Variants in MDC1 observed in about 807,000 individuals in gnomAD.
MDC1 encodes mediator of DNA damage checkpoint protein 1.
Under a neutral mutation model 142.5 loss-of-function variants are expected in MDC1, and 81 were observed. The ratio of observed to expected loss-of-function variants is 0.57; its 90% CI spans 0.47 to 0.68. The LOEUF is 0.68. Ranked by LOEUF, MDC1 falls within the 30% of genes least tolerant of loss-of-function variation. MDC1 has a pLI of 0.00. For synonymous variants in MDC1, 797 were observed against 968.4 expected, an observed-to-expected ratio of 0.82 and a Z score of 3.29; for missense variants, 2,119 against 2,547.9, an observed-to-expected ratio of 0.83 and a Z score of 3.62.
Position 30,703,875 on chromosome 6 carries a change from T to C in MDC1, c.5308A>G (p.Ile1770Val), listed in dbSNP as rs1773226299. 2.5e-6 allele frequency: 4 copies of C among 1,614,118 alleles called. No individual in the cohort carries two copies. The highest frequency in any genetic ancestry group is 2.5e-6 in the Non-Finnish European group (3 of 1,180,002). Reference protein sequence around the residue: ...AVRAAESLTAIPEPASPQLLE... With the variant: ...AVRAAESLTAVPEPASPQLLE... Reference sequence around the variant, plus strand: ...AGCTGGGGAGAGGCAGGCTCAGGAATGGCTGTAAGGGATTCAGCTGCTCTC... The same window carrying C: ...AGCTGGGGAGAGGCAGGCTCAGGAACGGCTGTAAGGGATTCAGCTGCTCTC... The change falls in exon 10 of 15, where the codon ATT becomes GTT. Residue 1770 changes from isoleucine (I) to valine (V), a missense_variant. By Grantham distance (29) the Ile-to-Val change is conservative. Coordinates refer to ENST00000376406, the MANE Select transcript of MDC1 (RefSeq NM_014641.3). The surrounding 1 kb of genome is among the most constrained non-coding windows in gnomAD (Gnocchi z 4.4).
At position 30,713,850 on chromosome 6, in the gene MDC1, G is replaced by C; in HGVS notation, c.470C>G (p.Thr157Ser). ...VEETPRVQGE[T>S]QPQRLLLAED... ...AGCCAACAGAAGCCTCTGGGGTTGA[G>C]TTTCTCCCTGTACTCTGGGTGTCTC... The change falls in exon 3 of 15, where the codon ACT becomes AGT. Residue 157 changes from threonine (T) to serine (S), a missense_variant. Transcript: ENST00000376406. The surrounding 1 kb of genome is among the most constrained non-coding windows in gnomAD (Gnocchi z 4.9). The C allele has an allele frequency of 6.2e-7, 1 of 1,614,166 alleles. No individual in the cohort carries two copies.
At position 30,713,892 on chromosome 6, in the gene MDC1, C is replaced by A; in HGVS notation, c.428G>T (p.Gly143Val). The change falls in exon 3 of 15, where the codon GGC becomes GTC. Residue 143 changes from glycine (G) to valine (V), a missense_variant. Coordinates refer to ENST00000376406, the MANE Select transcript of MDC1 (RefSeq NM_014641.3). The surrounding 1 kb of genome is among the most constrained non-coding windows in gnomAD (Gnocchi z 4.9). ...LDVSLPFVSR[G>V]PLTVEETPRV... ...GGGTGTCTCTTCTACTGTCAGAGGG[C>A]CCCGGGAGACAAAGGGCAGAGAGAC... 1 of 1,613,814 alleles carries A rather than the reference C, an allele frequency of 6.2e-7. No homozygotes were observed. Among genetic ancestry groups the A allele is most frequent in the Non-Finnish European group, 8.5e-7 (1 of 1,180,026 alleles).
chr6:30,705,311 A>G lies in MDC1; in HGVS notation c.3872T>C (p.Leu1291Pro). The G allele has an allele frequency of 6.2e-7, 1 of 1,602,548 alleles. No individual in the cohort carries two copies. Among genetic ancestry groups the G allele is most frequent in the Non-Finnish European group, 8.5e-7 (1 of 1,175,644 alleles). The change falls in exon 10 of 15, where the codon CTC (leucine) becomes CCC (proline). Residue 1291 changes from leucine (L) to proline (P), a missense_variant. Leu to Pro is a moderately conservative substitution (Grantham distance 98). Coordinates refer to ENST00000376406, the MANE Select transcript of MDC1 (RefSeq NM_014641.3). ...TCGGTCTGTGGAGGTGGAAGGCCGG[A>G]GCTCAGGGGCTGTGGGCACAACTGG... is the stretch of plus-strand genomic sequence containing the variant. ...PEPVVPTAPE[L>P]RPSTSTDRPV...
chr6:30,713,439 A>T lies in MDC1; in HGVS notation c.588-85T>A. ...TCAACTGTGAGCTCCTTGAGGGGAG[A>T]CACAAGGTAGCATATTTCTTCTTCT... On this transcript the variant is annotated intron_variant, in intron 4 of 14. Coordinates refer to ENST00000376406, the MANE Select transcript of MDC1 (RefSeq NM_014641.3). The surrounding 1 kb of genome is among the most constrained non-coding windows in gnomAD (Gnocchi z 4.9). The T allele has an allele frequency of 7.1e-7, 1 of 1,401,292 alleles. No individual in the cohort carries two copies. Among genetic ancestry groups the T allele is most frequent in the Non-Finnish European group, 9.6e-7 (1 of 1,045,112 alleles). The allele number at this position is 1,401,292 out of a possible 1,614,324, so 86.8% of individuals were successfully genotyped here.
chr6:30,710,003 C>T (rs1295882003), intron 7 of MDC1, among the ~76,000 whole-genome samples: 1 of 151,956 alleles, frequency 6.6e-6, no homozygotes, highest in African/African-American at 2.4e-5. Context: ...CTTAGCCTCC[C>T]GAGTAGCTAA....
chr6:30,701,456 T>C (rs980963322), intron 14 of MDC1, among the ~76,000 whole-genome samples: 1 of 152,080 alleles, frequency 6.6e-6, no homozygotes, highest in Non-Finnish European at 1.5e-5. Flanking sequence ...GCTTTTACAA[T>C]TATCTGCAAT....
rs773595673 is a variant in MDC1, at chr6:30,713,027, A to C, written c.915T>G (p.Asp305Glu). 2.0e-5 allele frequency: 33 copies of C among 1,612,416 alleles called. No homozygotes were observed. Among genetic ancestry groups the C allele is most frequent in the Non-Finnish European group, 2.7e-5 (32 of 1,179,718 alleles). The part of the protein sequence containing the change: ...PGEDSDTDVD[D>E]DSRPPGRPAE... Reference sequence around the variant, plus strand: ...CTGGCCTTCCAGGAGGCCTGCTGTCATCATCCACATCTGTGTCACTGTCCT... The same window carrying C: ...CTGGCCTTCCAGGAGGCCTGCTGTCCTCATCCACATCTGTGTCACTGTCCT... Residue 305 changes from aspartate (D) to glutamate (E), a missense_variant, in exon 5 of 15, where the codon GAT becomes GAG. Transcript: ENST00000376406. The surrounding 1 kb of genome is among the most constrained non-coding windows in gnomAD (Gnocchi z 4.9).
rs1340962828 is a variant in MDC1 at position 30,708,059 on chromosome 6, T to C, written c.2520A>G (p.Pro840=). 2.5e-6 allele frequency: 4 copies of C among 1,613,124 alleles called. No homozygotes were observed. Among genetic ancestry groups the C allele is most frequent in the East Asian group, 2.2e-5 (1 of 44,880 alleles). Residue 840 remains proline, a synonymous_variant, in exon 8 of 15, where the codon CCA becomes CCG. Coordinates refer to ENST00000376406, the MANE Select transcript of MDC1 (RefSeq NM_014641.3). ...CTCCTGTCACATCTGTCTGTCTTTC[T>C]GGTAGCAGTTTCTCAGTTTCTCTCT... ...PLERETEKLL[P]ERQTDVTGEE... is the part of the protein sequence containing the mutation.
chr6:30,704,347 A>G lies in MDC1; in HGVS notation c.4836T>C (p.Val1612=). Residue 1612 remains valine, a synonymous_variant, in exon 10 of 15, where the codon GTT becomes GTC. Coordinates refer to ENST00000376406, the MANE Select transcript of MDC1 (RefSeq NM_014641.3). ...GATGGGGCTCAGGGGCTGTGGGGAC[A>G]ACTGGCTCAGGGGTCTTGACAGAGG... is the stretch of plus-strand genomic sequence containing the variant. ...NRSSVKTPEP[V]VPTAPEPHPT... is the part of the protein sequence containing the mutation. 6.2e-7 allele frequency: 1 copy of G among 1,613,604 alleles called. No individual in the cohort carries two copies. The highest frequency in any genetic ancestry group is 8.5e-7 in the Non-Finnish European group (1 of 1,179,816).
At position 30,707,900 on chromosome 6, in the gene MDC1, T is replaced by C. The variant is rs1243127868; in HGVS notation, c.2679A>G (p.Glu893=). 1 of 1,613,094 alleles carries C rather than the reference T, an allele frequency of 6.2e-7. No individual in the cohort carries two copies. The highest frequency in any genetic ancestry group is 1.7e-5 in the Admixed American group (1 of 60,022). The change falls in exon 8 of 15, where the codon GAA becomes GAG. Residue 893 remains glutamate (E), a synonymous_variant. Coordinates refer to ENST00000376406, the MANE Select transcript of MDC1 (RefSeq NM_014641.3). ...CTTGTATTTCCTCAGATGTCTCAAT[T>C]TCTACCTTCAAACTCTCCCTATCTC... ...PERDRESLKV[E]IETSEEIQEK...
chr6:30,715,209 C>A lies in MDC1; in HGVS notation c.-3-31G>T. On this transcript the variant is annotated intron_variant, in intron 1 of 14. Transcript: ENST00000376406. The surrounding 1 kb of genome is among the most constrained non-coding windows in gnomAD (Gnocchi z 4.1). ...AAGGATACACATTATCAATTATCCT[C>A]ATTATTGGTTCACACAAACAGCATC... is the stretch of plus-strand genomic sequence containing the variant. 6.2e-7 allele frequency: 1 copy of A among 1,612,970 alleles called. No individual in the cohort carries two copies. Among genetic ancestry groups the A allele is most frequent in the Non-Finnish European group, 8.5e-7 (1 of 1,178,964 alleles).
chr6:30,702,697 G>A (rs1486894230), intron 13 of MDC1, 34 bp from the exon 14 acceptor site: 1 of 1,612,380 alleles, frequency 6.2e-7, no homozygotes, highest in Non-Finnish European at 8.5e-7. Flanking sequence ...TGGTATTGTA[G>A]ATTGGGAAGC....
At position 30,704,008 on chromosome 6, in the gene MDC1, T is replaced by G; in HGVS notation, c.5175A>C (p.Arg1725Ser). 1 of 1,614,192 alleles carries G rather than the reference T, an allele frequency of 6.2e-7. No individual in the cohort carries two copies. ...CGAGGGAGCCAGGGTTCCCAGCGGC[T>G]CTCTGCCTCTTGATGCAACTGGGTT... is the stretch of plus-strand genomic sequence containing the variant. ...ITQPSCIKRQ[R>S]AAGNPGSLAA... Residue 1725 changes from arginine (R) to serine (S), a missense_variant, in exon 10 of 15, where the codon AGA (arginine) becomes AGC (serine). By Grantham distance (110) the Arg-to-Ser change is moderately radical (BLOSUM62 -1). Coordinates refer to ENST00000376406, the MANE Select transcript of MDC1 (RefSeq NM_014641.3).
chr6:30,704,780 TCAGG>T lies in MDC1; in HGVS notation c.4399_4402del (p.Pro1467SerfsTer107). 6.2e-7 allele frequency: 1 copy of T among 1,612,478 alleles called. No homozygotes were observed. Among genetic ancestry groups the T allele is most frequent in the Non-Finnish European group, 8.5e-7 (1 of 1,179,426 alleles). On this transcript the variant is annotated frameshift_variant, in exon 10 of 15. Coordinates refer to ENST00000376406, the MANE Select transcript of MDC1 (RefSeq NM_014641.3). LOFTEE classifies it high-confidence loss of function. ...TCCCCTAGTAGCCTGAGACGTAGGC[TCAGG>T]GGTAACAGGCTGGTCTGTGGAGGTG...
Position 30,706,096 on chromosome 6 carries a change from G to A in MDC1, c.3087C>T (p.Gly1029=), listed in dbSNP as rs149848514. ...GACAAGCATCTGGAGATTCCTGATC[G>A]CCCTAGGGAGAAACAGAAGCAAGTG... is the stretch of plus-strand genomic sequence containing the variant. ...RIRAAEKVSR[G]DQESPDACLP... is the part of the protein sequence containing the mutation. The change falls in exon 10 of 15, where the codon GGC becomes GGT. Residue 1029 remains glycine, a splice_region_variant and synonymous_variant. Transcript: ENST00000376406. 443 of 1,560,828 alleles carry A rather than the reference G, an allele frequency of 2.8e-4. 6 individuals carry two copies. The East Asian group carries it at 9.5e-3, about 33-fold the overall frequency.
Position 30,704,297 on chromosome 6 carries a change from A to T in MDC1, c.4886T>A (p.Val1629Asp). The T allele has an allele frequency of 6.2e-7, 1 of 1,613,500 alleles. No individual in the cohort carries two copies. The highest frequency in any genetic ancestry group is 8.5e-7 in the Non-Finnish European group (1 of 1,179,696). ...GGCCCTAGATGTGAGCTTGGGGGTG[A>T]CAGGCTGGTCTGTGGAGGTGGTAGG... ...PHPTTSTDQP[V>D]TPKLTSRATR... The change falls in exon 10 of 15, where the codon GTC becomes GAC. Residue 1629 changes from valine to aspartate, a missense_variant. Coordinates refer to ENST00000376406, the MANE Select transcript of MDC1 (RefSeq NM_014641.3).
In MDC1 at chr6:30,704,214, C is replaced by T. The variant is rs762526338; in HGVS notation, c.4969G>A (p.Ala1657Thr). ...VKTPKPVEPA[A>T]SDLEPFTPTD... Reference sequence around the variant, plus strand: ...GGGGTAAAAGGCTCAAGATCAGAGGCTGCTGGTTCAACTGGTTTGGGAGTC... The same window carrying T: ...GGGGTAAAAGGCTCAAGATCAGAGGTTGCTGGTTCAACTGGTTTGGGAGTC... Residue 1657 changes from alanine to threonine, a missense_variant, in exon 10 of 15, where the codon GCC becomes ACC. Ala to Thr is a moderately conservative substitution (Grantham distance 58). Coordinates refer to ENST00000376406, the MANE Select transcript of MDC1 (RefSeq NM_014641.3). 3.1e-6 allele frequency: 5 copies of T among 1,613,560 alleles called. No individual in the cohort carries two copies. Among genetic ancestry groups the T allele is most frequent in the Non-Finnish European group, 3.4e-6 (4 of 1,179,818 alleles).
In MDC1 at chr6:30,704,746, A is replaced by G; in HGVS notation, c.4437T>C (p.Asp1479=). ...TTTCAGGAGTCTTGACAGAGGATCTATCTGTTCTTCCCCTAGTAGCCTGAG... is the reference window on the plus strand; with the variant it reads ...TTTCAGGAGTCTTGACAGAGGATCTGTCTGTTCTTCCCCTAGTAGCCTGAG... ...PTSQATRGRT[D]RSSVKTPETV... is the part of the protein sequence containing the mutation. Residue 1479 remains aspartate, a synonymous_variant, in exon 10 of 15, where the codon GAT becomes GAC. Transcript: ENST00000376406. 6.2e-7 allele frequency: 1 copy of G among 1,610,850 alleles called. No individual in the cohort carries two copies. The highest frequency in any genetic ancestry group is 1.1e-5 in the South Asian group (1 of 90,914).
chr6:30,705,780 G>A lies in MDC1; in HGVS notation c.3403C>T (p.Gln1135Ter), dbSNP rs757647031. The A allele has an allele frequency of 6.2e-7, 1 of 1,613,136 alleles. No homozygotes were observed. The highest frequency in any genetic ancestry group is 1.1e-5 in the South Asian group (1 of 90,986). ...PEPHPSTSTA[Q>*]PVTPKPTSQA... ...GATGTGGGCTTGGGAGTGACTGGCT[G>A]GGCTGTGGAGGTGGAAGGGTGGGGC... The change falls in exon 10 of 15, where the codon CAG becomes TAG. Residue 1135 changes from glutamine to a stop codon, truncating the protein, a stop_gained. Coordinates refer to ENST00000376406, the MANE Select transcript of MDC1 (RefSeq NM_014641.3). LOFTEE classifies it high-confidence loss of function.
Sources: allele counts gnomAD v4.1 joint callset (sites outside exome capture counted in the v4.1 genomes callset), GRCh38; gene constraint gnomAD v4.1.1; non-coding constraint Gnocchi (gnomAD v3.1); transcripts MANE v1.5; gene names NCBI Gene and HGNC (gene_info 2026-07-23, HGNC 2026-07-21).